BABAM2: variants seen among roughly 807,000 people sequenced by gnomAD.
BABAM2 encodes the protein BRISC and BRCA1 A complex member 2.
A neutral mutation model predicts 54.7 loss-of-function variants in BABAM2; 31 were observed. That is an observed-to-expected ratio of 0.57 (90% CI 0.43 to 0.77). The LOEUF is 0.77. Among genes scored for constraint, BABAM2 ranks in the 30% least tolerant of loss-of-function variants. The probability of loss-of-function intolerance (pLI) is 0.00; values close to 1 mark genes in which losing one functional copy is unlikely to be tolerated. For synonymous variants in BABAM2, 167 were observed against 162.9 expected (o/e 1.03, Z -0.19); for missense variants, 364 against 455.8 (o/e 0.80, Z 1.83).
intron 5 of BABAM2, among the ~76,000 whole-genome samples, chr2:28,042,577 G>A (rs1226744654): frequency 6.6e-6 from 1 of 152,172 alleles, no homozygotes; most frequent in African/African-American, 2.4e-5. Context: ...GAGGTCATTG[G>A]TGACCTTGAG....
intron 7 of BABAM2, among the ~76,000 whole-genome samples, chr2:28,225,018 T>C (rs973021258): frequency 3.3e-5 from 5 of 152,110 alleles, no homozygotes; most frequent in African/African-American, 9.7e-5. Context: ...GTGAACTGTT[T>C]AGTAACAAGA....
At chr2:28,193,941 T>G (rs1033236502) in intron 7 of BABAM2, among the ~76,000 whole-genome samples, 1 of 152,074 alleles carries the variant, frequency 6.6e-6, no homozygotes, top group Non-Finnish European at 1.5e-5. Context: ...GAGGCTGTGG[T>G]GCAGTTTGAC....
Position 27,962,376 on chromosome 2 carries a change from C to T in BABAM2, c.206-25617C>T, listed in dbSNP as rs529245982. Among the ~76,000 whole-genome samples, 270 of 152,250 alleles carry T rather than the reference C, an allele frequency of 1.8e-3. 2 individuals are homozygous for T. Among genetic ancestry groups the T allele is most frequent in the African/African-American group, 6.0e-3 (249 of 41,556 alleles). On this transcript the variant is annotated intron_variant, in intron 3 of 11. Coordinates refer to ENST00000379624, the MANE Select transcript of BABAM2 (RefSeq NM_199191.3). ...CTGGCCTCCCAAAGTGGTGGGATTA[C>T]AGGTGTGAGCCACTGTGCCTGGTGG...
intron 7 of BABAM2, among the ~76,000 whole-genome samples, chr2:28,213,877 TG>T (rs1275175499): frequency 1.3e-5 from 2 of 151,784 alleles, no homozygotes; most frequent in African/African-American, 4.8e-5. Flanking sequence ...GAAATTTACT[TG>T]GTTTTCTATG....
At chr2:28,209,041 T>G (rs1679183280) in intron 7 of BABAM2, among the ~76,000 whole-genome samples, 1 of 152,196 alleles carries the variant, frequency 6.6e-6, no homozygotes, top group Non-Finnish European at 1.5e-5. Flanking sequence ...AAATGTACAG[T>G]GAGGCTAAAT....
intron 10 of BABAM2, among the ~76,000 whole-genome samples, chr2:28,276,744 A>G (rs1291717502): frequency 6.6e-6 from 1 of 152,214 alleles, no homozygotes; most frequent in South Asian, 2.1e-4. Flanking sequence ...TTCTGCCTAA[A>G]ATATTAAAAT....
intron 4 of BABAM2, among the ~76,000 whole-genome samples, chr2:28,004,480 A>G (rs562924609): frequency 3.3e-5 from 5 of 152,182 alleles, no homozygotes; most frequent in African/African-American, 1.2e-4. Flanking sequence ...AACATTTATG[A>G]AGAAACCAGA....
intron 6 of BABAM2, among the ~76,000 whole-genome samples, chr2:28,113,104 T>C (rs1015989737): frequency 6.6e-6 from 1 of 152,146 alleles, no homozygotes; most frequent in Non-Finnish European, 1.5e-5. Context: ...GGATATTAGC[T>C]CTTTGTCAGA....
intron 2 of BABAM2, chr2:27,896,818 C>T: frequency 4.4e-6 from 1 of 227,034 alleles, no homozygotes; most frequent in Admixed American, 5.5e-5. Context: ...CCAACTGGGT[C>T]CACATTGCTC....
chr2:28,057,349 T>A (rs1678510224), intron 6 of BABAM2, among the ~76,000 whole-genome samples: 1 of 152,234 alleles, frequency 6.6e-6, no homozygotes, highest in Non-Finnish European at 1.5e-5. Context: ...TCCCTTCATA[T>A]CAGCTTTTTG....
chr2:28,063,424 A>C (rs1461265568), intron 6 of BABAM2, among the ~76,000 whole-genome samples: 1 of 152,246 alleles, frequency 6.6e-6, no homozygotes, highest in Non-Finnish European at 1.5e-5. Context: ...CATATAATCA[A>C]AATAAAAATT....
chr2:28,065,501 A>G (rs1263889895), intron 6 of BABAM2, among the ~76,000 whole-genome samples: 1 of 152,138 alleles, frequency 6.6e-6, no homozygotes, highest in African/African-American at 2.4e-5. Context: ...GGATGAGGGA[A>G]AGGAAACTAC....
intron 11 of BABAM2, among the ~76,000 whole-genome samples, chr2:28,303,766 A>G (rs1304041907): frequency 6.6e-6 from 1 of 152,120 alleles, no homozygotes; most frequent in Non-Finnish European, 1.5e-5. Flanking sequence ...ACATTTTTAC[A>G]ATACTGAATC....
At chr2:28,110,578 T>A (rs1667912812) in intron 6 of BABAM2, among the ~76,000 whole-genome samples, 1 of 151,764 alleles carries the variant, frequency 6.6e-6, no homozygotes, top group Non-Finnish European at 1.5e-5. Flanking sequence ...GAGCCGAGAT[T>A]GCGCCATTGC....
intron 7 of BABAM2, among the ~76,000 whole-genome samples, chr2:28,169,575 G>A (rs929780116): frequency 1.3e-5 from 2 of 152,100 alleles, no homozygotes; most frequent in African/African-American, 2.4e-5. Flanking sequence ...CCAGGAGTTC[G>A]AGACCAGCCT....
intron 10 of BABAM2, among the ~76,000 whole-genome samples, chr2:28,255,304 C>T (rs564343864): frequency 1.8e-4 from 28 of 152,214 alleles, no homozygotes; most frequent in Non-Finnish European, 3.7e-4. Flanking sequence ...GATGGAGTCT[C>T]ACTTTGTTGC....
intron 5 of BABAM2, among the ~76,000 whole-genome samples, chr2:28,026,832 A>C (rs1433913613): frequency 3.9e-5 from 2 of 51,030 alleles, no homozygotes; most frequent in African/African-American, 7.6e-5. Flanking sequence ...TTATATATAT[A>C]AATATATATA....
At chr2:27,940,834 G>T (rs552807881) in intron 3 of BABAM2, among the ~76,000 whole-genome samples, 14 of 152,278 alleles carry the variant, frequency 9.2e-5, no homozygotes, top group Non-Finnish European at 1.6e-4. Context: ...CTGGAAGGCT[G>T]GTAGACATAG....
At chr2:28,159,625 A>G (rs1361859972) in intron 7 of BABAM2, among the ~76,000 whole-genome samples, 3 of 152,188 alleles carry the variant, frequency 2.0e-5, no homozygotes, top group African/African-American at 7.2e-5. Context: ...CACACCTGCA[A>G]TGCCAGCACT....
Sources: allele counts gnomAD v4.1 joint callset (sites outside exome capture counted in the v4.1 genomes callset), GRCh38; gene constraint gnomAD v4.1.1; transcripts MANE v1.5; gene names NCBI Gene and HGNC (gene_info 2026-07-23, HGNC 2026-07-21).